Variants in STK3 observed in about 807,000 individuals in gnomAD.
STK3 encodes the protein serine/threonine-protein kinase 3.
In STK3, 41 loss-of-function variants were observed where a neutral mutation model predicts 58.0. The ratio of observed to expected loss-of-function variants is 0.71; its 90% confidence interval spans 0.55 to 0.92. The LOEUF (loss-of-function observed/expected upper bound fraction) is 0.92. Ranked by LOEUF, STK3 falls within the 40% of genes least tolerant of loss-of-function variation. The pLI is 0.00. For missense variants in STK3, 479 were observed against 602.7 expected (o/e 0.79, Z 2.15); for synonymous variants, 170 against 191.0 (o/e 0.89, Z 0.91).
At chr8:98,859,071 G>A (rs1836826783) in intron 3 of STK3, among the ~76,000 whole-genome samples, 1 of 152,056 alleles carries the variant, frequency 6.6e-6, no homozygotes, top group African/African-American at 2.4e-5. Flanking sequence ...AGAAAGGGGA[G>A]AAATAATGAA....
chr8:98,589,546 T>G (rs532513995), intron 7 of STK3, among the ~76,000 whole-genome samples: 3 of 152,340 alleles, frequency 2.0e-5, no homozygotes, highest in Admixed American at 2.0e-4. Context: ...TACTGCTGTC[T>G]TTTTGTTTGT....
At chr8:98,692,688 T>C (rs1824500714) in intron 6 of STK3, among the ~76,000 whole-genome samples, 1 of 152,160 alleles carries the variant, frequency 6.6e-6, no homozygotes, top group Admixed American at 6.5e-5. Context: ...CAATGAATTG[T>C]ATAGAGTACT....
At chr8:98,736,272 T>G (rs956268950) in intron 4 of STK3, among the ~76,000 whole-genome samples, 2 of 152,136 alleles carry the variant, frequency 1.3e-5, no homozygotes, top group Non-Finnish European at 2.9e-5. Context: ...CAGCTGGGCC[T>G]TCATGGATGC....
intron 10 of STK3, among the ~76,000 whole-genome samples, chr8:98,497,716 G>A (rs1359115487): frequency 6.6e-6 from 1 of 152,036 alleles, no homozygotes; most frequent in Non-Finnish European, 1.5e-5. Context: ...TCAGCTATTA[G>A]GTAAATGCAA....
At chr8:98,581,257 G>GA (rs1694153876) in intron 7 of STK3, among the ~76,000 whole-genome samples, 1 of 152,156 alleles carries the variant, frequency 6.6e-6, no homozygotes. Flanking sequence ...GGTACTGTGG[G>GA]AAGTAGTCTC....
At chr8:98,653,521 T>C (rs1821165493) in intron 6 of STK3, among the ~76,000 whole-genome samples, 7 of 151,898 alleles carry the variant, frequency 4.6e-5, no homozygotes, top group Admixed American at 3.9e-4. Context: ...AAAAAACCCT[T>C]CAAAAAATTA....
At chr8:98,779,395 A>G (rs981942467) in intron 1 of STK3, among the ~76,000 whole-genome samples, 16 of 152,254 alleles carry the variant, frequency 1.1e-4, no homozygotes, top group Admixed American at 8.5e-4. Flanking sequence ...TATCAGTAGC[A>G]TGTAAATTCA....
chr8:98,799,869 C>T (rs1308120849), intron 1 of STK3, among the ~76,000 whole-genome samples: 1 of 152,206 alleles, frequency 6.6e-6, no homozygotes, highest in Non-Finnish European at 1.5e-5. Flanking sequence ...CCCAAATAGA[C>T]TCTTTAGCAG....
chr8:98,589,469 C>G (rs2129849361), intron 7 of STK3, among the ~76,000 whole-genome samples: 1 of 152,374 alleles, frequency 6.6e-6, no homozygotes, highest in East Asian at 1.9e-4. Context: ...AGATCTCCAG[C>G]TGCATACTGG....
intron 3 of STK3, among the ~76,000 whole-genome samples, chr8:98,868,976 C>T (rs1564072228): frequency 8.9e-6 from 1 of 111,912 alleles, no homozygotes; most frequent in African/African-American, 3.6e-5. Flanking sequence ...GACCTTGACT[C>T]AAAAAAAAGA....
At chr8:98,792,176 T>TATGGCCAACAAAC (rs1832847545) in intron 1 of STK3, among the ~76,000 whole-genome samples, 1 of 152,094 alleles carries the variant, frequency 6.6e-6, no homozygotes, top group Admixed American at 6.6e-5. Flanking sequence ...CAAAAGAAGA[T>TATGGCCAACAAAC]ATACGAATGG....
intron 1 of STK3, among the ~76,000 whole-genome samples, chr8:98,936,379 G>A (rs1178595441): frequency 1.3e-5 from 2 of 152,004 alleles, no homozygotes; most frequent in Non-Finnish European, 1.5e-5. Context: ...CTATTTACTT[G>A]TACATCTTCC....
chr8:98,699,226 C>T (rs1324294982), intron 6 of STK3, among the ~76,000 whole-genome samples: 2 of 152,018 alleles, frequency 1.3e-5, no homozygotes, highest in African/African-American at 4.8e-5. Context: ...CTCCTTTAAG[C>T]ACTTCTCTGT....
chr8:98,681,763 C>G (rs887530875), intron 6 of STK3, among the ~76,000 whole-genome samples: 8 of 152,192 alleles, frequency 5.3e-5, no homozygotes, highest in Admixed American at 3.9e-4. Context: ...AAACTTGAAA[C>G]CAACTACAAT....
At chr8:98,514,774 T>C (rs1462483958) in intron 10 of STK3, among the ~76,000 whole-genome samples, 1 of 152,078 alleles carries the variant, frequency 6.6e-6, no homozygotes, top group African/African-American at 2.4e-5. Context: ...CCATGCCAAA[T>C]AGTCCCAAAT....
chr8:98,583,331 G>A (rs181892314), intron 7 of STK3, among the ~76,000 whole-genome samples: 7 of 152,118 alleles, frequency 4.6e-5, no homozygotes, highest in African/African-American at 1.4e-4. Context: ...TCAAATTCTC[G>A]GCCTCCCCTA....
chr8:98,825,958 G>T (rs1022414749), upstream of STK3, among the ~76,000 whole-genome samples: 1 of 149,060 alleles, frequency 6.7e-6, no homozygotes, highest in Non-Finnish European at 1.5e-5. Flanking sequence ...AGCCTGCCGC[G>T]GCCTGGGTTG....
chr8:98,405,363 T>C (rs1045859221), intron 3 of STK3, among the ~76,000 whole-genome samples: 1 of 152,220 alleles, frequency 6.6e-6, no homozygotes, highest in African/African-American at 2.4e-5. Flanking sequence ...TTAATACACA[T>C]AAAGTGCTTA....
intron 6 of STK3, among the ~76,000 whole-genome samples, chr8:98,650,404 G>A (rs896177113): frequency 3.9e-5 from 6 of 152,376 alleles, no homozygotes; most frequent in Admixed American, 1.3e-4. Context: ...AGCTCTCAGC[G>A]TGAGCGACAC....
Sources: allele counts gnomAD v4.1 joint callset (sites outside exome capture counted in the v4.1 genomes callset), GRCh38; gene constraint gnomAD v4.1.1; transcripts MANE v1.5; gene names NCBI Gene and HGNC (gene_info 2026-07-23, HGNC 2026-07-21).